GRIA2: variants seen among roughly 807,000 people sequenced by gnomAD.
GRIA2 encodes the protein glutamate receptor 2.
A neutral mutation model predicts 97.3 loss-of-function variants in GRIA2; 14 were observed. The observed-to-expected ratio is 0.14, with a 90% CI of 0.10 to 0.23. GRIA2 has a LOEUF of 0.23. Among genes scored for constraint, GRIA2 ranks in the 10% least tolerant of loss-of-function variants. GRIA2 has a pLI of 1.00. For synonymous variants in GRIA2, 412 were observed against 387.8 expected, an observed-to-expected ratio of 1.06 and a Z score of -0.73; for missense variants, 558 against 1,069.8, an observed-to-expected ratio of 0.52 and a Z score of 6.67.
At chr4:157,277,149 T>C (rs1340363268) in intron 2 of GRIA2, among the ~76,000 whole-genome samples, 1 of 151,850 alleles carries the variant, frequency 6.6e-6, no homozygotes, top group Non-Finnish European at 1.5e-5. Context: ...AACAAAATAT[T>C]AGCAAATGAA....
intron 2 of GRIA2, among the ~76,000 whole-genome samples, chr4:157,242,290 A>G (rs1041174707): frequency 5.3e-5 from 8 of 152,090 alleles, no homozygotes; most frequent in Admixed American, 3.9e-4. Context: ...GAAAAAAACT[A>G]TTAAGTAATT....
chr4:157,330,427 A>G (rs920123142), intron 6 of GRIA2, among the ~76,000 whole-genome samples: 1 of 151,924 alleles, frequency 6.6e-6, no homozygotes, highest in Non-Finnish European at 1.5e-5. Context: ...TGATGTAGAT[A>G]CTATGTTTAG....
At chr4:157,324,024 A>G (rs1460855376) in intron 6 of GRIA2, among the ~76,000 whole-genome samples, 3 of 152,172 alleles carry the variant, frequency 2.0e-5, no homozygotes, top group Non-Finnish European at 2.9e-5. Context: ...CATCTGTACA[A>G]TGCAGTAATG....
intron 2 of GRIA2, among the ~76,000 whole-genome samples, chr4:157,250,889 A>G (rs565227908): frequency 2.0e-5 from 3 of 152,166 alleles, no homozygotes; most frequent in South Asian, 4.1e-4. Flanking sequence ...CAGTTACTAG[A>G]AAGTATTAGA....
rs1407858330 is a variant in GRIA2 at position 157,366,001 on chromosome 4, C to A, written c.*2570C>A. 1 of 151,420 alleles carries A rather than the reference C, an allele frequency of 6.6e-6. No homozygotes were observed. Among genetic ancestry groups the A allele is most frequent in the Non-Finnish European group, 1.5e-5 (1 of 67,530 alleles). The allele number at this position is 151,420 out of a possible 1,614,324, so 9.4% of individuals were successfully genotyped here. ...AATGCTTTCGATTTTATTTTTAAAT[C>A]TAACATCGGATGGCTTTTCCGGAGT... is the stretch of plus-strand genomic sequence containing the variant. On this transcript the variant is annotated 3_prime_UTR_variant, in exon 16 of 16. Coordinates refer to ENST00000264426, the MANE Select transcript of GRIA2 (RefSeq NM_001083619.3).
At chr4:157,345,260 T>C (rs181932863) in intron 12 of GRIA2, among the ~76,000 whole-genome samples, 2 of 152,114 alleles carry the variant, frequency 1.3e-5, no homozygotes, top group Non-Finnish European at 2.9e-5. Context: ...TTGTTTTGCT[T>C]GAAAGAGAGA....
chr4:157,221,845 G>A (rs759505646), intron 2 of GRIA2, 38 bp downstream of exon 2: 9 of 1,597,094 alleles, frequency 5.6e-6, no homozygotes, highest in South Asian at 1.1e-5. Flanking sequence ...GGTGCTGCAC[G>A]CGGAAGGCCA....
At chr4:157,343,501 C>T (rs1160934936) in intron 12 of GRIA2, among the ~76,000 whole-genome samples, 2 of 152,062 alleles carry the variant, frequency 1.3e-5, no homozygotes, top group Non-Finnish European at 2.9e-5. Flanking sequence ...TTCTTGGTTA[C>T]ATCCACACTT....
At chr4:157,307,591 G>A (rs539888734) in intron 3 of GRIA2, among the ~76,000 whole-genome samples, 1 of 152,222 alleles carries the variant, frequency 6.6e-6, no homozygotes, top group Admixed American at 6.5e-5. Context: ...GAGCAATGGG[G>A]TTATCTATGT....
chr4:157,242,975 C>G (rs1230021868), intron 2 of GRIA2, among the ~76,000 whole-genome samples: 1 of 152,010 alleles, frequency 6.6e-6, no homozygotes, highest in East Asian at 1.9e-4. Flanking sequence ...TTGGGAACCA[C>G]TTTAAACAGT....
chr4:157,308,540 AC>A (rs1349008973), intron 3 of GRIA2, among the ~76,000 whole-genome samples: 35 of 152,188 alleles, frequency 2.3e-4, no homozygotes, highest in African/African-American at 8.0e-4. Flanking sequence ...ATGTATCTCA[AC>A]AGTTTTGTTT....
intron 2 of GRIA2, among the ~76,000 whole-genome samples, chr4:157,223,198 TC>T (rs1729586916): frequency 6.6e-6 from 1 of 152,176 alleles, no homozygotes; most frequent in African/African-American, 2.4e-5. Context: ...ATTGGGCCCA[TC>T]ATCAACTCTT....
intron 2 of GRIA2, among the ~76,000 whole-genome samples, chr4:157,235,264 T>G (rs1005607957): frequency 6.6e-6 from 1 of 152,092 alleles, no homozygotes; most frequent in Non-Finnish European, 1.5e-5. Flanking sequence ...TTTCTTAAAC[T>G]TTTAGTAGAT....
At chr4:157,360,832 A>T in intron 13 of GRIA2, 178 bp from the exon 14 acceptor site, 1 of 662,574 alleles carries the variant, frequency 1.5e-6, no homozygotes, top group South Asian at 1.7e-5. Flanking sequence ...CTACCACCTT[A>T]CCCAAAGTTT....
chr4:157,359,806 G>C, intron 12 of GRIA2, 90 bp from the exon 13 acceptor site: 1 of 1,150,114 alleles, frequency 8.7e-7, no homozygotes, highest in Non-Finnish European at 1.3e-6. Context: ...TATCATCTAT[G>C]TTTTGAAAAG....
intron 2 of GRIA2, among the ~76,000 whole-genome samples, chr4:157,299,429 C>A (rs1340111366): frequency 6.6e-6 from 1 of 152,116 alleles, no homozygotes; most frequent in Admixed American, 6.6e-5. Flanking sequence ...GCTTATGAAG[C>A]AGACTATGCT....
chr4:157,321,702 C>T, intron 6 of GRIA2, 103 bp downstream of exon 6: 1 of 729,592 alleles, frequency 1.4e-6, no homozygotes. Context: ...GAGTAGAGAG[C>T]ACGTTTCAAA....
At chr4:157,221,563 C>T in intron 1 of GRIA2, 104 bp from the exon 2 acceptor site, 1 of 1,174,958 alleles carries the variant, frequency 8.5e-7, no homozygotes, top group Admixed American at 2.1e-5. Flanking sequence ...TCGGCCTATT[C>T]GCGTGAATAA....
intron 2 of GRIA2, among the ~76,000 whole-genome samples, chr4:157,231,935 GA>G (rs1730038132): frequency 1.3e-5 from 2 of 152,056 alleles, no homozygotes; most frequent in African/African-American, 2.4e-5. Flanking sequence ...TGTCTTGGAA[GA>G]ATATTTAATA....
Sources: gnomAD v4.1 joint callset for allele counts (sites outside exome capture counted in the v4.1 genomes callset) on GRCh38, gnomAD v4.1.1 for gene constraint, MANE v1.5 for transcripts, NCBI Gene and HGNC (gene_info 2026-07-23, HGNC 2026-07-21) for gene names.